GMDS: variants seen among roughly 807,000 people sequenced by gnomAD.
GMDS encodes GDP-mannose 4,6-dehydratase.
Under a neutral mutation model 49.9 loss-of-function variants are expected in GMDS, and 20 were observed. The ratio of observed to expected loss-of-function variants is 0.40; its 90% CI spans 0.28 to 0.58. The LOEUF (loss-of-function observed/expected upper bound fraction) is 0.58. Ranked by LOEUF, GMDS falls within the 20% of genes least tolerant of loss-of-function variation. GMDS has a pLI of 0.42. For synonymous variants in GMDS, 177 were observed against 178.6 expected (o/e 0.99, Z 0.07); for missense variants, 362 against 481.4 (o/e 0.75, Z 2.32).
intron 7 of GMDS, among the ~76,000 whole-genome samples, chr6:1,849,880 C>T (rs752812619): frequency 3.9e-5 from 6 of 152,128 alleles, no homozygotes; most frequent in Non-Finnish European, 5.9e-5. Context: ...AAAACCCTTT[C>T]GTGGAGCTAG....
At chr6:2,207,923 T>G (rs1488085761) in intron 1 of GMDS, among the ~76,000 whole-genome samples, 1 of 151,914 alleles carries the variant, frequency 6.6e-6, no homozygotes, top group African/African-American at 2.4e-5. Context: ...ACCAAGAAAT[T>G]AAGCATATAT....
chr6:2,199,768 T>A (rs1263605714), intron 1 of GMDS, among the ~76,000 whole-genome samples: 1 of 152,222 alleles, frequency 6.6e-6, no homozygotes, highest in Non-Finnish European at 1.5e-5. Context: ...GTCTTCTTCA[T>A]TCAAGTATCA....
chr6:1,791,128 A>G (rs1447047512), intron 7 of GMDS, among the ~76,000 whole-genome samples: 3 of 152,130 alleles, frequency 2.0e-5, no homozygotes, highest in Non-Finnish European at 4.4e-5. Flanking sequence ...AAGGAAACAG[A>G]TTCTCCCCCA....
chr6:2,095,461 A>G (rs1027876355), intron 4 of GMDS, among the ~76,000 whole-genome samples: 9 of 152,248 alleles, frequency 5.9e-5, no homozygotes, highest in African/African-American at 2.2e-4. Context: ...GTAAAATGAT[A>G]CAAATCCATG....
intron 6 of GMDS, among the ~76,000 whole-genome samples, chr6:1,935,056 T>C (rs1433640923): frequency 1.3e-5 from 2 of 152,248 alleles, no homozygotes; most frequent in Non-Finnish European, 2.9e-5. Flanking sequence ...ATGTGGATAA[T>C]GGAACCCCTA....
At chr6:1,934,985 A>G (rs1254573177) in intron 6 of GMDS, among the ~76,000 whole-genome samples, 1 of 152,228 alleles carries the variant, frequency 6.6e-6, no homozygotes, top group Non-Finnish European at 1.5e-5. Context: ...GCCACAGTGC[A>G]ATGCAGGAGG....
chr6:1,869,531 T>A (rs1758615419), intron 7 of GMDS, among the ~76,000 whole-genome samples: 1 of 152,202 alleles, frequency 6.6e-6, no homozygotes, highest in African/African-American at 2.4e-5. Flanking sequence ...TCCTGGTCAA[T>A]GTCTGGTATT....
intron 4 of GMDS, among the ~76,000 whole-genome samples, chr6:2,076,756 T>C (rs996006079): frequency 1.1e-4 from 17 of 152,102 alleles, no homozygotes; most frequent in Non-Finnish European, 2.4e-4. Flanking sequence ...ATACAAAAAT[T>C]AATTCAAGAT....
At chr6:1,871,011 C>T (rs1244074168) in intron 7 of GMDS, among the ~76,000 whole-genome samples, 7 of 151,764 alleles carry the variant, frequency 4.6e-5, no homozygotes, top group Admixed American at 6.6e-5. Flanking sequence ...GAGAGAAATG[C>T]CTCTCCTTTC....
intron 4 of GMDS, among the ~76,000 whole-genome samples, chr6:2,037,010 T>C (rs1364778129): frequency 6.6e-6 from 1 of 152,202 alleles, no homozygotes; most frequent in African/African-American, 2.4e-5. Flanking sequence ...AGGAACAGCC[T>C]GAACTTGTGA....
At chr6:1,899,306 TC>T (rs1279772205) in intron 7 of GMDS, among the ~76,000 whole-genome samples, 4 of 151,738 alleles carry the variant, frequency 2.6e-5, no homozygotes, top group Non-Finnish European at 5.9e-5. Context: ...TTTTTTTTTT[TC>T]CTGCATGCTT....
At chr6:1,803,315 G>A (rs996940731) in intron 7 of GMDS, among the ~76,000 whole-genome samples, 1 of 151,922 alleles carries the variant, frequency 6.6e-6, no homozygotes, top group African/African-American at 2.4e-5. Context: ...TTTTGCAGTC[G>A]AGAAGGCAAA....
intron 4 of GMDS, among the ~76,000 whole-genome samples, chr6:2,109,816 T>C (rs927633572): frequency 4.6e-5 from 7 of 152,370 alleles, no homozygotes; most frequent in Admixed American, 2.6e-4. Context: ...TATTCACACA[T>C]GTTAACTTAC....
At chr6:2,029,385 A>G (rs993004968) in intron 4 of GMDS, among the ~76,000 whole-genome samples, 2 of 152,010 alleles carry the variant, frequency 1.3e-5, no homozygotes, top group African/African-American at 4.8e-5. Context: ...CCTTCTCACC[A>G]CCTATCAGTA....
At chr6:2,050,946 C>T (rs1003961900) in intron 4 of GMDS, among the ~76,000 whole-genome samples, 2 of 151,786 alleles carry the variant, frequency 1.3e-5, no homozygotes, top group African/African-American at 4.8e-5. Context: ...CATCACACAC[C>T]GGAGCCTGTC....
chr6:1,846,110 G>C (rs1757399641), intron 7 of GMDS, among the ~76,000 whole-genome samples: 1 of 133,900 alleles, frequency 7.5e-6, no homozygotes. Flanking sequence ...TCCTCCTTGA[G>C]ACAAGGTCTC....
chr6:1,942,927 G>C (rs1204181481), intron 6 of GMDS, among the ~76,000 whole-genome samples: 1 of 152,218 alleles, frequency 6.6e-6, no homozygotes, highest in Non-Finnish European at 1.5e-5. Flanking sequence ...TTCTTTACTG[G>C]ATTGCTGTCA....
intron 9 of GMDS, among the ~76,000 whole-genome samples, chr6:1,668,136 G>T (rs1282281366): frequency 6.6e-6 from 1 of 152,102 alleles, no homozygotes; most frequent in Non-Finnish European, 1.5e-5. Context: ...TCAGTGTAAA[G>T]GTATTTCAAA....
intron 4 of GMDS, among the ~76,000 whole-genome samples, chr6:1,982,294 G>T (rs1040462412): frequency 6.6e-6 from 1 of 152,140 alleles, no homozygotes. Context: ...ATGAGCAAAA[G>T]CTGGAAGCAT....
Sources: allele counts gnomAD v4.1 joint callset (sites outside exome capture counted in the v4.1 genomes callset), GRCh38; gene constraint gnomAD v4.1.1; transcripts MANE v1.5; gene names NCBI Gene and HGNC (gene_info 2026-07-23, HGNC 2026-07-21).